The following SCO1 variants were observed in gnomAD, a reference collection of about 807,000 sequenced individuals.
SCO1 encodes the protein synthesis of cytochrome C oxidase 1.
A neutral mutation model predicts 34.0 loss-of-function variants in SCO1; 23 were observed. The observed-to-expected ratio is 0.68, with a 90% confidence interval of 0.49 to 0.96. The LOEUF is 0.96. Among genes scored for constraint, SCO1 ranks in the 40% least tolerant of loss-of-function variants. The pLI is 0.00. For missense variants in SCO1, 404 were observed against 381.6 expected, an observed-to-expected ratio of 1.06 and a Z score of -0.49; for synonymous variants, 161 against 145.5, an observed-to-expected ratio of 1.11 and a Z score of -0.77.
At chr17:10,692,059 C>A in intron 3 of SCO1, 95 bp from the exon 4 acceptor site, 1 of 888,400 alleles carries the variant, frequency 1.1e-6, no homozygotes, top group Admixed American at 1.8e-5. Flanking sequence ...TGCTGGACAG[C>A]TAGGTGTTTT....
rs554898671 is a variant in SCO1 at position 10,685,787 on chromosome 17, T to A, written c.771+940A>T. On this transcript the variant is annotated intron_variant, in intron 5 of 5. Transcript: ENST00000255390. ...CACAATCTTTTTAAAATAAGTGTTG[T>A]TCCAAATGATGGCTTCTCTTTATTT... Among the ~76,000 whole-genome samples, 9 of 152,338 alleles carry A rather than the reference T, an allele frequency of 5.9e-5. No individual in the cohort carries two copies. In the South Asian group the frequency reaches 1.9e-3, roughly 32 times the overall value.
At position 10,685,173 on chromosome 17, in the gene SCO1, T is replaced by C. The variant is rs181467480; in HGVS notation, c.771+1554A>G. On this transcript the variant is annotated intron_variant, in intron 5 of 5. Transcript: ENST00000255390. Reference sequence around the variant, plus strand: ...AGTGAGACATCCCATCCCCTCTGCATCTCAACTCTTGGGATGGGCCATGGG... The same window carrying C: ...AGTGAGACATCCCATCCCCTCTGCACCTCAACTCTTGGGATGGGCCATGGG... 2.3e-4 allele frequency among the ~76,000 whole-genome samples: 35 copies of C among 152,294 alleles called. 1 individual carries two copies. The Middle Eastern group carries it at 0.01, about 44-fold the overall frequency.
At chr17:10,683,732 A>G (rs971907979) in intron 5 of SCO1, among the ~76,000 whole-genome samples, 1 of 149,926 alleles carries the variant, frequency 6.7e-6, no homozygotes, top group African/African-American at 2.4e-5. Context: ...ATAATAATAT[A>G]GTATTATATA....
chr17:10,693,530 CTTCT>C lies in SCO1; in HGVS notation c.365-573_365-570del, dbSNP rs752980751. ...AATACACTGCAGGTACTAGTGTGAA[CTTCT>C]ATCTATATAGATATAAATAAATATA... On this transcript the variant is annotated intron_variant, in intron 2 of 5. Coordinates refer to ENST00000255390, the MANE Select transcript of SCO1 (RefSeq NM_004589.4). 2.6e-5 allele frequency among the ~76,000 whole-genome samples: 4 copies of C among 152,186 alleles called. No individual in the cohort carries two copies. In the East Asian group the frequency reaches 5.8e-4, roughly 22 times the overall value.
Position 10,680,532 on chromosome 17 carries a change from A to G in SCO1, c.*587T>C, listed in dbSNP as rs1401999371. 8 of 155,868 alleles carry G rather than the reference A, an allele frequency of 5.1e-5. No individual in the cohort carries two copies. Among genetic ancestry groups the G allele is most frequent in the African/African-American group, 1.7e-4 (7 of 41,448 alleles). The allele number at this position is 155,868 out of a possible 1,614,324, so 9.7% of individuals were successfully genotyped here. A position where few individuals can be genotyped will look rare whatever the true frequency, so the allele number is the denominator to read the frequency against. On this transcript the variant is annotated 3_prime_UTR_variant, in exon 6 of 6. Transcript: ENST00000255390. Reference sequence around the variant, plus strand: ...TCAAACTGATGTTTTTTTTCCCCCAAACAATAGATTTCCTCTTCATTAGTC... The same window carrying G: ...TCAAACTGATGTTTTTTTTCCCCCAGACAATAGATTTCCTCTTCATTAGTC...
intron 3 of SCO1, 135 bp from the exon 4 acceptor site, chr17:10,692,099 T>G (rs774997844): frequency 3.7e-4 from 265 of 712,534 alleles, no homozygotes; most frequent in Non-Finnish European, 5.3e-4. Context: ...AACATTCAGG[T>G]GAAGAGGAAG....
At position 10,678,307 on chromosome 17, in the gene SCO1, C is replaced by T. The variant is rs1050132693; in HGVS notation, c.*2812G>A. 10 of 152,192 alleles carry T rather than the reference C, an allele frequency of 6.6e-5. No individual in the cohort carries two copies. The highest frequency in any genetic ancestry group is 2.2e-4 in the African/African-American group (9 of 41,434). The allele number at this position is 152,192 out of a possible 1,614,324, so 9.4% of individuals were successfully genotyped here. A position where few individuals can be genotyped will look rare whatever the true frequency, so the allele number is the denominator to read the frequency against. On this transcript the variant is annotated 3_prime_UTR_variant, in exon 6 of 6. Coordinates refer to ENST00000255390, the MANE Select transcript of SCO1 (RefSeq NM_004589.4). The stretch of plus-strand genomic sequence containing the variant: ...ACCCGAGTTTTGCGCCTTAATTCTC[C>T]GAGACTGTCCCCTTGTGCATAAACA...
In SCO1 at chr17:10,674,427, A is replaced by G; in HGVS notation, c.*6692T>C. The G allele has an allele frequency of 3.5e-6, 1 of 288,626 alleles. No homozygotes were observed. 17.9% of individuals were successfully genotyped at this position (288,626 alleles called of 1,614,324 possible). On this transcript the variant is annotated 3_prime_UTR_variant, in exon 6 of 6. Coordinates refer to ENST00000255390, the MANE Select transcript of SCO1 (RefSeq NM_004589.4). ...GGCAACAAGAGCGAAACTCCATCTCAAAACAAACAAACAAACAAACAAAAA... is the reference window on the plus strand; with the variant it reads ...GGCAACAAGAGCGAAACTCCATCTCGAAACAAACAAACAAACAAACAAAAA...
At chr17:10,696,032 C>T (rs1456745444) in intron 1 of SCO1, among the ~76,000 whole-genome samples, 1 of 132,986 alleles carries the variant, frequency 7.5e-6, no homozygotes, top group Non-Finnish European at 1.5e-5. Flanking sequence ...GCATTCATCT[C>T]CAGGGGAAAG....
intron 2 of SCO1, among the ~76,000 whole-genome samples, chr17:10,694,167 C>G (rs1418256705): frequency 6.6e-6 from 1 of 152,160 alleles, no homozygotes; most frequent in Non-Finnish European, 1.5e-5. Flanking sequence ...GGTACACAAC[C>G]CGAATGACCT....
In SCO1 at chr17:10,673,434, G is replaced by A. The variant is rs573494856; in HGVS notation, c.*7685C>T. 1 of 152,384 alleles carries A rather than the reference G, an allele frequency of 6.6e-6. No individual in the cohort carries two copies. Among genetic ancestry groups the A allele is most frequent in the African/African-American group, 2.4e-5 (1 of 41,570 alleles). 9.4% of individuals were successfully genotyped at this position (152,384 alleles called of 1,614,324 possible). A position where few individuals can be genotyped will look rare whatever the true frequency, so the allele number is the denominator to read the frequency against. Reference sequence around the variant, plus strand: ...GGGCTTTCTGAATGTACGGGGCTGAGGCTGGTACAGGGAAAAGTGAGCCAT... The same window carrying A: ...GGGCTTTCTGAATGTACGGGGCTGAAGCTGGTACAGGGAAAAGTGAGCCAT... On this transcript the variant is annotated 3_prime_UTR_variant, in exon 6 of 6. Coordinates refer to ENST00000255390, the MANE Select transcript of SCO1 (RefSeq NM_004589.4).
chr17:10,697,212 A>G, intron 1 of SCO1, 23 bp downstream of exon 1: 1 of 1,510,236 alleles, frequency 6.6e-7, no homozygotes, highest in Non-Finnish European at 8.9e-7. Context: ...CGAGCACCAG[A>G]AGGGTTCCAG....
At chr17:10,693,374 G>C (rs982187285) in intron 2 of SCO1, among the ~76,000 whole-genome samples, 1 of 152,058 alleles carries the variant, frequency 6.6e-6, no homozygotes, top group Non-Finnish European at 1.5e-5. Flanking sequence ...GGTGATAGTG[G>C]TGACGGGACC....
At chr17:10,688,913 G>A (rs903566257) in intron 4 of SCO1, among the ~76,000 whole-genome samples, 1 of 141,198 alleles carries the variant, frequency 7.1e-6, no homozygotes, top group Non-Finnish European at 1.5e-5. Context: ...TCAGGAGATC[G>A]AGACCATCCC....
At position 10,675,455 on chromosome 17, in the gene SCO1, CTACTT is replaced by C. The variant is rs1195162064; in HGVS notation, c.*5659_*5663del. 1 of 152,214 alleles carries C rather than the reference CTACTT, an allele frequency of 6.6e-6. No homozygotes were observed. Among genetic ancestry groups the C allele is most frequent in the African/African-American group, 2.4e-5 (1 of 41,454 alleles). The allele number at this position is 152,214 out of a possible 1,614,324, so 9.4% of individuals were successfully genotyped here. ...CTTTTGCAGGGACTCTTTTTCCCCT[CTACTT>C]TTCTTTTGGAGTTATAGGGTGCAAA... On this transcript the variant is annotated 3_prime_UTR_variant, in exon 6 of 6. Coordinates refer to ENST00000255390, the MANE Select transcript of SCO1 (RefSeq NM_004589.4).
chr17:10,689,339 TACAC>T (rs1387773155), intron 4 of SCO1, among the ~76,000 whole-genome samples: 1 of 152,222 alleles, frequency 6.6e-6, no homozygotes, highest in Non-Finnish European at 1.5e-5. Flanking sequence ...TAAAAGTAAT[TACAC>T]ATACAGCAGA....
rs2074617048 is a variant in SCO1 at position 10,680,842 on chromosome 17, C to T, written c.*277G>A. On this transcript the variant is annotated 3_prime_UTR_variant, in exon 6 of 6. Coordinates refer to ENST00000255390, the MANE Select transcript of SCO1 (RefSeq NM_004589.4). ...TGGCTGTGCCTCGCCCCGCCATGTC[C>T]TTCCACAGGTGGGCTCTTCACTGGC... 2.0e-6 allele frequency: 1 copy of T among 501,918 alleles called. No individual in the cohort carries two copies. The highest frequency in any genetic ancestry group is 3.6e-6 in the Non-Finnish European group (1 of 277,892). The allele number at this position is 501,918 out of a possible 1,614,324, so 31.1% of individuals were successfully genotyped here.
rs1370711472 is a variant in SCO1, at chr17:10,672,542, G to A, written c.*8577C>T. On this transcript the variant is annotated 3_prime_UTR_variant, in exon 6 of 6. Coordinates refer to ENST00000255390, the MANE Select transcript of SCO1 (RefSeq NM_004589.4). ...ACCCTTTTAAAGTGCGCAGTTCAGT[G>A]AGTTTTCACAGATGTATGCAGTTGT... 2 of 152,090 alleles carry A rather than the reference G, an allele frequency of 1.3e-5. No individual in the cohort carries two copies. 9.4% of individuals were successfully genotyped at this position (152,090 alleles called of 1,614,324 possible).
intron 5 of SCO1, chr17:10,683,999 A>T (rs761130044): frequency 6.6e-6 from 1 of 152,196 alleles, no homozygotes; most frequent in Non-Finnish European, 1.5e-5. Context: ...ACCTCAAGGG[A>T]CTGAAGTCAT....
Sources: gnomAD v4.1 joint callset for allele counts (sites outside exome capture counted in the v4.1 genomes callset) on GRCh38, gnomAD v4.1.1 for gene constraint, MANE v1.5 for transcripts, NCBI Gene and HGNC (gene_info 2026-07-23, HGNC 2026-07-21) for gene names.